Variants in AR observed in about 807,000 individuals in gnomAD.
The protein encoded by AR is dihydrotestosterone receptor.
Under a neutral mutation model 53.9 loss-of-function variants are expected in AR, and 8 were observed. The ratio of observed to expected loss-of-function variants is 0.15; its 90% CI spans 0.09 to 0.27. AR has a LOEUF of 0.27. AR is among the 10% of genes least tolerant of loss of function. The probability of loss-of-function intolerance (pLI) is 1.00; values close to 1 mark genes in which losing one functional copy is unlikely to be tolerated. For missense variants in AR, 639 were observed against 742.5 expected (o/e 0.86, Z 1.62); for synonymous variants, 359 against 316.4 (o/e 1.13, Z -1.43).
At position 67,724,057 on chromosome X, in the gene AR, A is replaced by G; in HGVS notation, c.*216A>G. 1 of 447,000 alleles carries G rather than the reference A, an allele frequency of 2.2e-6. No individual in the cohort carries two copies. Among genetic ancestry groups the G allele is most frequent in the Non-Finnish European group, 3.7e-6 (1 of 267,838 alleles). 36.8% of individuals were successfully genotyped at this position (447,000 alleles called of 1,213,427 possible). A position where few individuals can be genotyped will look rare whatever the true frequency, so the allele number is the denominator to read the frequency against. Reference sequence around the variant, plus strand: ...TCTTCCCTCCCTATCTAACCCTCCCATGGCACCTTCAGACTTTGCTTCCCA... The same window carrying G: ...TCTTCCCTCCCTATCTAACCCTCCCGTGGCACCTTCAGACTTTGCTTCCCA... On this transcript the variant is annotated 3_prime_UTR_variant, in exon 8 of 8. Transcript: ENST00000374690.
intron 1 of AR, among the ~76,000 whole-genome samples, chrX:67,575,963 G>T (rs1346714449): frequency 1.8e-5 from 2 of 111,402 alleles, no homozygotes; most frequent in African/African-American, 6.5e-5. Context: ...CAAAGGAAGA[G>T]AAAAATGCAT....
chrX:67,686,608 A>T (rs1394738019), intron 3 of AR, among the ~76,000 whole-genome samples: 12 of 111,639 alleles, frequency 1.1e-4, no homozygotes, highest in Non-Finnish European at 2.1e-4. Context: ...AGGGCCAGCC[A>T]CCTCGAATGA....
chrX:67,647,375 T>A (rs1926105657), intron 2 of AR, among the ~76,000 whole-genome samples: 1 of 111,931 alleles, frequency 8.9e-6, no homozygotes, highest in Admixed American at 9.5e-5. Context: ...GAAATGCAAG[T>A]GAACCCTCAT....
intron 2 of AR, among the ~76,000 whole-genome samples, chrX:67,672,406 T>C (rs2075871188): frequency 1.8e-5 from 2 of 111,258 alleles, no homozygotes; most frequent in South Asian, 7.7e-4. Flanking sequence ...TATTCTGTGG[T>C]CTTCTCTTCC....
At position 67,723,998 on chromosome X, in the gene AR, G is replaced by T; in HGVS notation, c.*157G>T. ...CATGTTCCTGAATTCTATTTGCTGG[G>T]CTTTTTTTTTCTCTTTCTCTCCTTT... On this transcript the variant is annotated 3_prime_UTR_variant, in exon 8 of 8. Transcript: ENST00000374690. 1 of 747,435 alleles carries T rather than the reference G, an allele frequency of 1.3e-6. No individual in the cohort carries two copies. Among genetic ancestry groups the T allele is most frequent in the East Asian group, 3.3e-5 (1 of 29,950 alleles). 61.6% of individuals were successfully genotyped at this position (747,435 alleles called of 1,213,427 possible).
chrX:67,660,888 A>C (rs947686506), intron 2 of AR, among the ~76,000 whole-genome samples: 5 of 110,986 alleles, frequency 4.5e-5, no homozygotes, highest in African/African-American at 9.8e-5. Context: ...CTTTTATTTC[A>C]TTGAGCAGTG....
At chrX:67,640,550 T>A (rs1335735321) in intron 1 of AR, among the ~76,000 whole-genome samples, 1 of 111,149 alleles carries the variant, frequency 9.0e-6, no homozygotes, top group East Asian at 2.8e-4. Context: ...CTTGGGAGGG[T>A]ATATGCGTTC....
At chrX:67,663,215 A>T (rs1927043136) in intron 2 of AR, among the ~76,000 whole-genome samples, 2 of 111,851 alleles carry the variant, frequency 1.8e-5, no homozygotes, top group Middle Eastern at 4.6e-3. Context: ...GTTTCTTCCT[A>T]GCCTCGACGG....
At chrX:67,597,134 A>G (rs1264483724) in intron 1 of AR, among the ~76,000 whole-genome samples, 1 of 112,009 alleles carries the variant, frequency 8.9e-6, no homozygotes, top group Non-Finnish European at 1.9e-5. Context: ...CTTTTTTTGC[A>G]CTAGCCCAGA....
At chrX:67,673,994 C>A (rs1344347710) in intron 2 of AR, among the ~76,000 whole-genome samples, 1 of 110,924 alleles carries the variant, frequency 9.0e-6, no homozygotes, top group African/African-American at 3.3e-5. Context: ...TTGGTCACTG[C>A]AGCCATATCT....
chrX:67,631,476 A>G (rs775796021), intron 1 of AR, among the ~76,000 whole-genome samples: 1 of 111,868 alleles, frequency 8.9e-6, no homozygotes, highest in South Asian at 3.7e-4. Context: ...CTCGAGCCTT[A>G]GTTTTCAGCT....
At chrX:67,638,998 G>T (rs1925602614) in intron 1 of AR, among the ~76,000 whole-genome samples, 1 of 111,902 alleles carries the variant, frequency 8.9e-6, no homozygotes, top group African/African-American at 3.3e-5. Context: ...TTTGTGTAAG[G>T]TGTAAGGAAG....
intron 4 of AR, among the ~76,000 whole-genome samples, chrX:67,712,020 C>T (rs1741919370): frequency 8.9e-6 from 1 of 112,045 alleles, no homozygotes; most frequent in African/African-American, 3.2e-5. Flanking sequence ...CCTTAGGATG[C>T]TCTTCTATAT....
At chrX:67,620,012 G>T (rs184734073) in intron 1 of AR, among the ~76,000 whole-genome samples, 68 of 110,635 alleles carry the variant, frequency 6.1e-4, no homozygotes, top group Non-Finnish European at 1.2e-3. Flanking sequence ...TCTCAATGGG[G>T]CTGTTTTTCT....
At chrX:67,608,882 A>T (rs945418228) in intron 1 of AR, among the ~76,000 whole-genome samples, 5 of 111,623 alleles carry the variant, frequency 4.5e-5, no homozygotes, top group Non-Finnish European at 7.5e-5. Flanking sequence ...TGTATTTTTT[A>T]AATTTTAATT....
chrX:67,668,284 C>T (rs1220634430), intron 2 of AR, among the ~76,000 whole-genome samples: 3 of 111,770 alleles, frequency 2.7e-5, no homozygotes, highest in South Asian at 3.7e-4. Context: ...AAAAATTGAA[C>T]TTTATCAAAT....
intron 1 of AR, among the ~76,000 whole-genome samples, chrX:67,641,335 T>A (rs1454735217): frequency 8.9e-6 from 1 of 111,893 alleles, no homozygotes; most frequent in Non-Finnish European, 1.9e-5. Flanking sequence ...GCCTGGCATA[T>A]AGAGTGCCTA....
intron 2 of AR, among the ~76,000 whole-genome samples, chrX:67,658,348 A>G (rs1171364707): frequency 8.9e-6 from 1 of 112,443 alleles, no homozygotes; most frequent in East Asian, 2.8e-4. Context: ...AAAGGGAAAA[A>G]GAAGCAGAGG....
At chrX:67,658,930 G>T (rs139479238) in intron 2 of AR, among the ~76,000 whole-genome samples, 300 of 111,946 alleles carry the variant, frequency 2.7e-3, no homozygotes, top group African/African-American at 9.2e-3. Context: ...AATAGTAGGT[G>T]TATATGGGGA....
Sources: gnomAD v4.1 joint callset for allele counts (sites outside exome capture counted in the v4.1 genomes callset) on GRCh38, gnomAD v4.1.1 for gene constraint, MANE v1.5 for transcripts, NCBI Gene and HGNC (gene_info 2026-07-23, HGNC 2026-07-21) for gene names.